Variants in PCDHGB4 observed in about 807,000 individuals in gnomAD.
PCDHGB4 encodes protocadherin gamma-B4.
A neutral mutation model predicts 60.5 loss-of-function variants in PCDHGB4; 38 were observed. The observed-to-expected ratio is 0.63, with a 90% CI of 0.48 to 0.82. The LOEUF (loss-of-function observed/expected upper bound fraction) is 0.82. PCDHGB4 is among the 40% of genes least tolerant of loss of function. The probability of loss-of-function intolerance (pLI) is 0.00; values close to 1 mark genes in which losing one functional copy is unlikely to be tolerated. For missense variants in PCDHGB4, 1,109 were observed against 1,209.6 expected (o/e 0.92, Z 1.23); for synonymous variants, 456 against 509.7 (o/e 0.89, Z 1.42).
intron 1 of PCDHGB4, chr5:141,417,493 G>A (rs1463793261): frequency 4.7e-6 from 1 of 214,978 alleles, no homozygotes; most frequent in East Asian, 1.1e-4. Context: ...GAATCACTGA[G>A]GAAAAAGATT....
chr5:141,412,992 G>A (rs1367027301), intron 1 of PCDHGB4: 1 of 568,350 alleles, frequency 1.8e-6, no homozygotes, highest in Non-Finnish European at 3.0e-6. Flanking sequence ...AGCTCAATCC[G>A]GATTCTCAGG....
At chr5:141,396,502 C>T (rs982229069) in intron 1 of PCDHGB4, 2 of 152,106 alleles carry the variant, frequency 1.3e-5, no homozygotes, top group African/African-American at 4.8e-5. Flanking sequence ...CGCCTGTGGT[C>T]CCAGCTACTC....
chr5:141,489,229 G>C lies in PCDHGB4; in HGVS notation c.2398-5578G>C. The C allele has an allele frequency of 6.6e-7, 1 of 1,522,252 alleles. No homozygotes were observed. Among genetic ancestry groups the C allele is most frequent in the Non-Finnish European group, 8.8e-7 (1 of 1,133,810 alleles). The allele number at this position is 1,522,252 out of a possible 1,614,324, so 94.3% of individuals were successfully genotyped here. On this transcript the variant is annotated intron_variant, in intron 1 of 3. Coordinates refer to ENST00000519479, the MANE Select transcript of PCDHGB4 (RefSeq NM_003736.4). This position sits in a 1 kb window ranked among gnomAD's most constrained non-coding sequence, Gnocchi z 4.5. ...AGCACAGACTTACTCTCCACAAAGG[G>C]ACTTCTGGGTCATGGGGCCCAAGAC...
chr5:141,456,536 G>A (rs1231730255), intron 1 of PCDHGB4, among the ~76,000 whole-genome samples: 1 of 152,158 alleles, frequency 6.6e-6, no homozygotes, highest in Non-Finnish European at 1.5e-5. Flanking sequence ...AATTAAAGAG[G>A]GATTGTAGCC....
Position 141,489,075 on chromosome 5 carries a change from C to A in PCDHGB4, c.2398-5732C>A. The A allele has an allele frequency of 3.1e-6, 1 of 324,814 alleles. No individual in the cohort carries two copies. The highest frequency in any genetic ancestry group is 5.5e-6 in the Non-Finnish European group (1 of 180,380). The allele number at this position is 324,814 out of a possible 1,614,324, so 20.1% of individuals were successfully genotyped here. A position where few individuals can be genotyped will look rare whatever the true frequency, so the allele number is the denominator to read the frequency against. ...TCAGCTCCCCTCCCCCCTGCCCACCCCCGCCACTCGGTGACTAAGAACTGC... is the reference window on the plus strand; with the variant it reads ...TCAGCTCCCCTCCCCCCTGCCCACCACCGCCACTCGGTGACTAAGAACTGC... On this transcript the variant is annotated intron_variant, in intron 1 of 3. Coordinates refer to ENST00000519479, the MANE Select transcript of PCDHGB4 (RefSeq NM_003736.4). The surrounding 1 kb of genome is among the most constrained non-coding windows in gnomAD (Gnocchi z 4.5).
rs1340366910 is a variant in PCDHGB4 at position 141,490,965 on chromosome 5, C to T, written c.2398-3842C>T. The T allele has an allele frequency of 2.5e-6, 4 of 1,613,738 alleles. No homozygotes were observed. The highest frequency in any genetic ancestry group is 2.7e-5 in the African/African-American group (2 of 74,934). On this transcript the variant is annotated intron_variant, in intron 1 of 3. Transcript: ENST00000519479. This position sits in a 1 kb window ranked among gnomAD's most constrained non-coding sequence, Gnocchi z 5.4. Reference sequence around the variant, plus strand: ...CACGGCCAGACTGGGAACACTCAGCCCCCCAGCGTCTCCCTCGCTCTGCTC... The same window carrying T: ...CACGGCCAGACTGGGAACACTCAGCTCCCCAGCGTCTCCCTCGCTCTGCTC...
intron 1 of PCDHGB4, among the ~76,000 whole-genome samples, chr5:141,458,380 G>T (rs1592559992): frequency 6.6e-6 from 1 of 152,136 alleles, no homozygotes; most frequent in African/African-American, 2.4e-5. Flanking sequence ...AAGAGAGAAG[G>T]AAGACGCTCC....
intron 1 of PCDHGB4, chr5:141,421,777 CG>C (rs760013586): frequency 1.2e-6 from 2 of 1,613,804 alleles, no homozygotes; most frequent in Admixed American, 3.3e-5. Flanking sequence ...CTTGCAACTG[CG>C]GGGCAGAACG....
At chr5:141,475,910 G>A in intron 1 of PCDHGB4, 1 of 588,414 alleles carries the variant, frequency 1.7e-6, no homozygotes, top group South Asian at 2.3e-5. Context: ...GTCGGCCAAT[G>A]AAGACGCTGG....
In PCDHGB4 at chr5:141,485,669, T is replaced by G. The variant is rs754363407; in HGVS notation, c.2398-9138T>G. ...TCAGGATGCAGATGTGGGGAGCAATTCGATTAGCAGCTATAGGCTGAGCTC... is the reference window on the plus strand; with the variant it reads ...TCAGGATGCAGATGTGGGGAGCAATGCGATTAGCAGCTATAGGCTGAGCTC... On this transcript the variant is annotated intron_variant, in intron 1 of 3. Transcript: ENST00000519479. The surrounding 1 kb of genome is among the most constrained non-coding windows in gnomAD (Gnocchi z 5.7). 1.9e-6 allele frequency: 3 copies of G among 1,612,788 alleles called. 1 individual carries two copies. Among genetic ancestry groups the G allele is most frequent in the Admixed American group, 1.7e-5 (1 of 59,980 alleles).
At chr5:141,435,050 C>A (rs2154556494) in intron 1 of PCDHGB4, among the ~76,000 whole-genome samples, 1 of 151,994 alleles carries the variant, frequency 6.6e-6, no homozygotes, top group East Asian at 1.9e-4. Flanking sequence ...TCCCATTGAC[C>A]ATGCAGCAGT....
At chr5:141,408,188 G>A in intron 1 of PCDHGB4, 6 of 1,543,620 alleles carry the variant, frequency 3.9e-6, no homozygotes, top group Non-Finnish European at 4.4e-6. Flanking sequence ...GACCCAGCGA[G>A]AACCCGAGCG....
In PCDHGB4 at chr5:141,485,697, A is replaced by G. The variant is rs76923861; in HGVS notation, c.2398-9110A>G. 48,100 of 1,614,036 alleles carry G rather than the reference A, an allele frequency of 0.03. 1,433 individuals carry two copies. Among genetic ancestry groups the G allele is most frequent in the African/African-American group, 0.15 (11,542 of 75,006 alleles). The stretch of plus-strand genomic sequence containing the variant: ...ATTAGCAGCTATAGGCTGAGCTCCA[A>G]TGAACACTTTGCACTGGATGTGAAG... On this transcript the variant is annotated intron_variant, in intron 1 of 3. Transcript: ENST00000519479. The surrounding 1 kb of genome is among the most constrained non-coding windows in gnomAD (Gnocchi z 5.7).
chr5:141,470,019 C>G (rs2099219272), intron 1 of PCDHGB4, among the ~76,000 whole-genome samples: 1 of 152,154 alleles, frequency 6.6e-6, no homozygotes, highest in South Asian at 2.1e-4. Context: ...ATCCCAGCTA[C>G]TCGGGATGCT....
At chr5:141,409,942 C>T (rs1168442761) in intron 1 of PCDHGB4, 4 of 1,613,284 alleles carry the variant, frequency 2.5e-6, no homozygotes, top group South Asian at 1.1e-5. Flanking sequence ...TGGTACCTCG[C>T]TCTGCAGAGC....
chr5:141,413,490 G>T (rs1255775347), intron 1 of PCDHGB4: 2 of 1,614,070 alleles, frequency 1.2e-6, no homozygotes, highest in Admixed American at 3.3e-5. Flanking sequence ...AGAGCGCGCG[G>T]TGCGTGGTGA....
At chr5:141,394,332 A>G (rs1270394666) in intron 1 of PCDHGB4, 2 of 1,614,010 alleles carry the variant, frequency 1.2e-6, no homozygotes, top group Admixed American at 1.7e-5. Context: ...GTATATCTCC[A>G]TCAACTCTGA....
At chr5:141,441,736 T>C in intron 1 of PCDHGB4, 1 of 365,328 alleles carries the variant, frequency 2.7e-6, no homozygotes. Flanking sequence ...CAGGACTAGC[T>C]CGCGCTCGGC....
intron 1 of PCDHGB4, chr5:141,415,772 T>TA (rs763083459): frequency 1.1e-5 from 15 of 1,332,970 alleles, no homozygotes; most frequent in Non-Finnish European, 1.3e-5. Flanking sequence ...TTTTTTTTTT[T>TA]ACTTTCTGGT....
Sources: allele counts gnomAD v4.1 joint callset (sites outside exome capture counted in the v4.1 genomes callset), GRCh38; gene constraint gnomAD v4.1.1; non-coding constraint Gnocchi (gnomAD v3.1); transcripts MANE v1.5; gene names NCBI Gene and HGNC (gene_info 2026-07-23, HGNC 2026-07-21).